The following SDC2 variants were observed in gnomAD, a reference collection of about 807,000 sequenced individuals.
The protein encoded by SDC2 is syndecan-2.
SDC2 carries 13 observed loss-of-function variants against 22.2 expected under a neutral mutation model. The observed-to-expected ratio is 0.59, with a 90% CI of 0.38 to 0.93. The LOEUF is 0.93. Ranked by LOEUF, SDC2 falls within the 40% of genes least tolerant of loss-of-function variation. The probability of loss-of-function intolerance (pLI) is 0.00; values close to 1 mark genes in which losing one functional copy is unlikely to be tolerated. For missense variants in SDC2, 235 were observed against 246.8 expected, an observed-to-expected ratio of 0.95 and a Z score of 0.32; for synonymous variants, 94 against 92.8, an observed-to-expected ratio of 1.01 and a Z score of -0.07.
Position 96,585,445 on chromosome 8 carries a change from G to A in SDC2, c.61-8035G>A, listed in dbSNP as rs1345622982. ...TTGTAGAATGATATGCCAGTGATAC[G>A]ATGACTGGGAGGTGAGCATAGACTC... On this transcript the variant is annotated intron_variant, in intron 1 of 4. Coordinates refer to ENST00000302190, the MANE Select transcript of SDC2 (RefSeq NM_002998.4). Among the ~76,000 whole-genome samples, 9 of 152,300 alleles carry A rather than the reference G, an allele frequency of 5.9e-5. No homozygotes were observed. In the East Asian group the frequency reaches 1.7e-3, roughly 29 times the overall value.
intron 1 of SDC2, among the ~76,000 whole-genome samples, chr8:96,528,230 A>G (rs1256568432): frequency 6.6e-6 from 1 of 152,020 alleles, no homozygotes; most frequent in Non-Finnish European, 1.5e-5. Context: ...TCTAAGCGAG[A>G]AAAAAAATGT....
chr8:96,540,340 G>GTATATATATATATA lies in SDC2; in HGVS notation c.60+46012_60+46025dup, dbSNP rs1554601718. Among the ~76,000 whole-genome samples, 344 of 123,642 alleles carry GTATATATATATATA rather than the reference G, an allele frequency of 2.8e-3. 2 individuals carry two copies. Among genetic ancestry groups the GTATATATATATATA allele is most frequent in the Middle Eastern group, 0.012 (3 of 248 alleles). The allele number at this position is 123,642 out of a possible 152,430, so 81.1% of individuals were successfully genotyped here. A position where few individuals can be genotyped will look rare whatever the true frequency, so the allele number is the denominator to read the frequency against. ...AACCCTGTCTCTACTATATATATGT[G>GTATATATATATATA]TATATATATATATATAAAAATTAGT... On this transcript the variant is annotated intron_variant, in intron 1 of 4. Transcript: ENST00000302190.
At chr8:96,604,049 C>T (rs972948465) in intron 3 of SDC2, among the ~76,000 whole-genome samples, 15 of 152,178 alleles carry the variant, frequency 9.9e-5, no homozygotes, top group East Asian at 1.9e-4. Context: ...ACTAAAGATG[C>T]ATTTGGCTCT....
At chr8:96,570,929 C>A (rs182098337) in intron 1 of SDC2, among the ~76,000 whole-genome samples, 2 of 152,106 alleles carry the variant, frequency 1.3e-5, no homozygotes, top group African/African-American at 4.8e-5. Context: ...TAGGGAGTTA[C>A]TGTTTAATGG....
chr8:96,549,163 A>G (rs1439299281), intron 1 of SDC2, among the ~76,000 whole-genome samples: 2 of 152,240 alleles, frequency 1.3e-5, no homozygotes, highest in African/African-American at 4.8e-5. Flanking sequence ...AAAATGAGAC[A>G]CCAGTTTCTC....
intron 1 of SDC2, chr8:96,586,364 G>T (rs1814686616): frequency 6.6e-6 from 1 of 152,360 alleles, no homozygotes; most frequent in African/African-American, 2.4e-5. Context: ...TTTCTGTGGA[G>T]CCTTTACCAT....
intron 1 of SDC2, among the ~76,000 whole-genome samples, chr8:96,504,998 T>C (rs1471193788): frequency 2.6e-5 from 4 of 152,054 alleles, no homozygotes; most frequent in African/African-American, 9.7e-5. Context: ...TAGGGGAGCT[T>C]TTGAGCCAGG....
intron 1 of SDC2, among the ~76,000 whole-genome samples, chr8:96,561,298 G>A (rs1304618717): frequency 6.6e-6 from 1 of 152,154 alleles, no homozygotes; most frequent in Non-Finnish European, 1.5e-5. Flanking sequence ...CAAGCAAGGG[G>A]GATTTTCTTC....
intron 2 of SDC2, among the ~76,000 whole-genome samples, chr8:96,599,599 T>C (rs963234141): frequency 1.3e-5 from 2 of 152,210 alleles, no homozygotes; most frequent in Non-Finnish European, 2.9e-5. Context: ...GTTAGATATG[T>C]ATCTGTGATA....
intron 1 of SDC2, among the ~76,000 whole-genome samples, chr8:96,521,639 T>C (rs1813499270): frequency 6.6e-6 from 1 of 152,208 alleles, no homozygotes; most frequent in South Asian, 2.1e-4. Context: ...TAGAGTTCTT[T>C]GAGAGTAATA....
At chr8:96,576,028 T>C (rs918737869) in intron 1 of SDC2, among the ~76,000 whole-genome samples, 1 of 152,188 alleles carries the variant, frequency 6.6e-6, no homozygotes, top group Non-Finnish European at 1.5e-5. Flanking sequence ...TCTGTCAAGT[T>C]CATAGCTGTC....
At chr8:96,539,426 T>C (rs1477901761) in intron 1 of SDC2, among the ~76,000 whole-genome samples, 2 of 152,284 alleles carry the variant, frequency 1.3e-5, no homozygotes, top group Admixed American at 6.5e-5. Flanking sequence ...TTATGGATTT[T>C]ATAATATGTT....
chr8:96,538,811 G>T (rs1029211346), intron 1 of SDC2: 1 of 151,502 alleles, frequency 6.6e-6, no homozygotes, highest in Admixed American at 6.6e-5. Flanking sequence ...AGACCAAACA[G>T]CTGGCTGGGT....
intron 1 of SDC2, among the ~76,000 whole-genome samples, chr8:96,587,447 T>C (rs1030609897): frequency 1.1e-4 from 16 of 152,236 alleles, no homozygotes; most frequent in Admixed American, 6.5e-4. Flanking sequence ...GTCAGCCATA[T>C]CTAACATATT....
Position 96,602,952 on chromosome 8 carries a change from A to G in SDC2, c.306+424A>G, listed in dbSNP as rs577359091. ...GAGGTGGTCCTAGTCTCACTAAGTCATTTCTCAGTCTTCCTAGGCCGACCA... is the reference window on the plus strand; with the variant it reads ...GAGGTGGTCCTAGTCTCACTAAGTCGTTTCTCAGTCTTCCTAGGCCGACCA... On this transcript the variant is annotated intron_variant, in intron 3 of 4. Coordinates refer to ENST00000302190, the MANE Select transcript of SDC2 (RefSeq NM_002998.4). Among the ~76,000 whole-genome samples the G allele has an allele frequency of 2.0e-4, 30 of 152,226 alleles. No individual in the cohort carries two copies. The East Asian group carries it at 5.4e-3, about 27-fold the overall frequency.
intron 1 of SDC2, among the ~76,000 whole-genome samples, chr8:96,557,876 A>T (rs1187971679): frequency 2.0e-5 from 3 of 152,182 alleles, no homozygotes; most frequent in Non-Finnish European, 2.9e-5. Flanking sequence ...TAGCAGGAAG[A>T]TCCTATAACT....
chr8:96,538,182 G>A (rs1372568529), intron 1 of SDC2, among the ~76,000 whole-genome samples: 4 of 152,076 alleles, frequency 2.6e-5, no homozygotes. Flanking sequence ...GGCTGGTCTT[G>A]AACTCCTGAC....
intron 1 of SDC2, among the ~76,000 whole-genome samples, chr8:96,578,630 T>A (rs188851075): frequency 3.6e-4 from 55 of 152,304 alleles, no homozygotes; most frequent in African/African-American, 1.3e-3. Flanking sequence ...AACAGTTGCT[T>A]AAGATGACTT....
chr8:96,561,425 T>C (rs1362572270), intron 1 of SDC2, among the ~76,000 whole-genome samples: 2 of 152,202 alleles, frequency 1.3e-5, no homozygotes, highest in African/African-American at 4.8e-5. Context: ...GTAGCAATAC[T>C]CTTTGGGCTG....
Sources: allele counts gnomAD v4.1 joint callset (sites outside exome capture counted in the v4.1 genomes callset), GRCh38; gene constraint gnomAD v4.1.1; transcripts MANE v1.5; gene names NCBI Gene and HGNC (gene_info 2026-07-23, HGNC 2026-07-21).